The following ROBO2 variants were observed in gnomAD, a reference collection of about 807,000 sequenced individuals.
The protein encoded by ROBO2 is roundabout guidance receptor 2, also known as roundabout homolog 2.
In ROBO2, 53 loss-of-function variants were observed where a neutral mutation model predicts 160.8. The ratio of observed to expected loss-of-function variants is 0.33; its 90% CI spans 0.26 to 0.41. The LOEUF is 0.41. ROBO2 is among the 10% of genes least tolerant of loss of function. The pLI, the probability that ROBO2 is intolerant of heterozygous loss-of-function variation, is 1.00. For synonymous variants in ROBO2, 664 were observed against 611.7 expected (o/e 1.09, Z -1.26); for missense variants, 1,577 against 1,722.4 (o/e 0.92, Z 1.49).
chr3:76,591,137 C>T (rs2086391319), intron 2 of ROBO2, among the ~76,000 whole-genome samples: 2 of 151,942 alleles, frequency 1.3e-5, no homozygotes, highest in African/African-American at 2.4e-5. Flanking sequence ...ATAATATAAA[C>T]AGTGAATTAG....
intron 2 of ROBO2, among the ~76,000 whole-genome samples, chr3:77,435,089 T>C (rs917740844): frequency 6.6e-6 from 1 of 151,956 alleles, no homozygotes; most frequent in African/African-American, 2.4e-5. Context: ...AACTAAGAAG[T>C]AGGTAAAAAA....
At chr3:77,033,504 G>A (rs1313307384) in intron 2 of ROBO2, among the ~76,000 whole-genome samples, 1 of 152,094 alleles carries the variant, frequency 6.6e-6, no homozygotes, top group East Asian at 1.9e-4. Context: ...AATGTGTTTG[G>A]TAAAGAAGGG....
At chr3:76,887,159 A>G (rs1273116919) in intron 2 of ROBO2, among the ~76,000 whole-genome samples, 2 of 139,890 alleles carry the variant, frequency 1.4e-5, no homozygotes, top group Non-Finnish European at 3.1e-5. Context: ...CTTTTTAATT[A>G]CTAGTGAGAT....
In ROBO2 at chr3:77,521,381, C is replaced by A. The variant is rs1407986577; in HGVS notation, c.807-1394C>A. Among the ~76,000 whole-genome samples, 35 of 151,048 alleles carry A rather than the reference C, an allele frequency of 2.3e-4. No homozygotes were observed. The Admixed American group carries it at 2.3e-3, about 10-fold the overall frequency. ...GTGAGTGAAGCAGACAAGATGTCTG[C>A]CTTCATCAAAATAGATAACAATACA... On this transcript the variant is annotated intron_variant, in intron 5 of 25. Transcript: ENST00000461745.
At position 76,499,096 on chromosome 3, in the gene ROBO2, C is replaced by T. The variant is rs1417540276; in HGVS notation, c.109+561494C>T. On this transcript the variant is annotated intron_variant, in intron 2 of 26. Coordinates refer to the ROBO2 transcript ENST00000487694. Reference sequence around the variant, plus strand: ...ACCTAGTCTTTACCTTACTCCTGCTCATTACCCAGAACTCCAAAACTAAAT... The same window carrying T: ...ACCTAGTCTTTACCTTACTCCTGCTTATTACCCAGAACTCCAAAACTAAAT... 4.6e-5 allele frequency among the ~76,000 whole-genome samples: 7 copies of T among 152,154 alleles called. No individual in the cohort carries two copies. In the East Asian group the frequency reaches 7.7e-4, roughly 17 times the overall value.
chr3:76,172,366 C>G (rs1434340143), intron 2 of ROBO2, among the ~76,000 whole-genome samples: 1 of 149,610 alleles, frequency 6.7e-6, no homozygotes, highest in Non-Finnish European at 1.5e-5. Context: ...ATCAACATGG[C>G]ACACATGTAT....
intron 2 of ROBO2, among the ~76,000 whole-genome samples, chr3:76,146,333 C>T (rs2071886921): frequency 6.6e-6 from 1 of 151,868 alleles, no homozygotes; most frequent in Non-Finnish European, 1.5e-5. Context: ...TTAATTGTTT[C>T]TCCTTAAAGC....
At chr3:77,469,792 G>A (rs1290710376) in intron 2 of ROBO2, among the ~76,000 whole-genome samples, 1 of 151,996 alleles carries the variant, frequency 6.6e-6, no homozygotes, top group Non-Finnish European at 1.5e-5. Context: ...CAAACACTGT[G>A]GTCTATTTTA....
At chr3:76,668,062 A>T (rs2092121093) in intron 2 of ROBO2, among the ~76,000 whole-genome samples, 1 of 152,130 alleles carries the variant, frequency 6.6e-6, no homozygotes, top group South Asian at 2.1e-4. Context: ...AATTTGAAAA[A>T]TCCCCATAGA....
Position 77,588,737 on chromosome 3 carries a change from G to A in ROBO2, c.2501-14G>A, listed in dbSNP as rs2094114370. ...TCGTTTTAATATATACTAATACTAT[G>A]GTTTTTTCCATAGGGAGACGCAATG... On this transcript the variant is annotated splice_polypyrimidine_tract_variant and intron_variant, in intron 16 of 25. Transcript: ENST00000461745. 6.2e-7 allele frequency: 1 copy of A among 1,611,232 alleles called. No homozygotes were observed. Among genetic ancestry groups the A allele is most frequent in the African/African-American group, 1.3e-5 (1 of 74,756 alleles).
chr3:76,630,844 G>A (rs537331532), intron 2 of ROBO2, among the ~76,000 whole-genome samples: 231 of 152,244 alleles, frequency 1.5e-3, no homozygotes, highest in Admixed American at 2.9e-3. Flanking sequence ...TTAAACCGTG[G>A]TTATCCTAAA....
intron 2 of ROBO2, among the ~76,000 whole-genome samples, chr3:76,377,497 G>A (rs537363318): frequency 4.7e-4 from 72 of 152,272 alleles, no homozygotes; most frequent in African/African-American, 1.7e-3. Flanking sequence ...ATTACCTGAG[G>A]AAAACTGAAG....
intron 2 of ROBO2, among the ~76,000 whole-genome samples, chr3:76,723,717 C>A (rs573134896): frequency 6.6e-6 from 1 of 152,240 alleles, no homozygotes; most frequent in Non-Finnish European, 1.5e-5. Context: ...CTGGTGGACA[C>A]ACTTTTCTCT....
At chr3:76,608,398 T>A (rs906611120) in intron 2 of ROBO2, among the ~76,000 whole-genome samples, 1 of 152,176 alleles carries the variant, frequency 6.6e-6, no homozygotes, top group Non-Finnish European at 1.5e-5. Context: ...TAAAATAAGG[T>A]ATGGAGGATG....
At chr3:77,588,515 C>A (rs986679335) in intron 16 of ROBO2, among the ~76,000 whole-genome samples, 1 of 151,842 alleles carries the variant, frequency 6.6e-6, no homozygotes, top group African/African-American at 2.4e-5. Context: ...GTTGTGAATC[C>A]ATCCATAGCA....
chr3:75,997,496 A>ATCCTTTTTTT (rs2065761539), intron 2 of ROBO2, among the ~76,000 whole-genome samples: 1 of 46,564 alleles, frequency 2.1e-5, no homozygotes, highest in African/African-American at 4.9e-5. Context: ...TTGTTCATCC[A>ATCCTTTTTTT]TTCTTTTTTT....
At chr3:76,704,318 GA>G (rs1302064623) in intron 2 of ROBO2, among the ~76,000 whole-genome samples, 5 of 152,018 alleles carry the variant, frequency 3.3e-5, no homozygotes, top group Non-Finnish European at 7.4e-5. Flanking sequence ...TGTTTAATTT[GA>G]ATTTCACTTC....
At chr3:76,252,758 TACACACACACACAC>T (rs113177987) in intron 2 of ROBO2, among the ~76,000 whole-genome samples, 2 of 53,512 alleles carry the variant, frequency 3.7e-5, no homozygotes, top group African/African-American at 7.0e-5. Context: ...TGTATATGTA[TACACACACACACAC>T]ACACACACAC....
intron 2 of ROBO2, among the ~76,000 whole-genome samples, chr3:76,987,287 A>G (rs751476126): frequency 1.3e-5 from 2 of 152,230 alleles, no homozygotes; most frequent in East Asian, 1.9e-4. Flanking sequence ...CCTTTTACAA[A>G]GAACATGCTT....
Sources: gnomAD v4.1 joint callset for allele counts (sites outside exome capture counted in the v4.1 genomes callset) on GRCh38, gnomAD v4.1.1 for gene constraint, MANE v1.5 for transcripts, NCBI Gene and HGNC (gene_info 2026-07-23, HGNC 2026-07-21) for gene names.